The following DPYD variants were observed in gnomAD, a reference collection of about 807,000 sequenced individuals.
DPYD encodes the protein dihydropyrimidine dehydrogenase [NADP(+)].
A neutral mutation model predicts 116.2 loss-of-function variants in DPYD; 109 were observed. The ratio of observed to expected loss-of-function variants is 0.94; its 90% CI spans 0.80 to 1.10. The LOEUF is 1.10. Ranked by LOEUF, DPYD falls within the 50% of genes least tolerant of loss-of-function variation. The pLI, the probability that DPYD is intolerant of heterozygous loss-of-function variation, is 0.00. For synonymous variants in DPYD, 440 were observed against 432.0 expected (o/e 1.02, Z -0.23); for missense variants, 1,302 against 1,254.5 (o/e 1.04, Z -0.57).
chr1:97,672,483 C>G (rs1263895746), intron 8 of DPYD, among the ~76,000 whole-genome samples: 3 of 152,032 alleles, frequency 2.0e-5, no homozygotes, highest in Admixed American at 6.6e-5. Flanking sequence ...TTACAAGTGA[C>G]AGTAGATTAA....
At chr1:97,233,724 G>C (rs4412640) in intron 19 of DPYD, among the ~76,000 whole-genome samples, 74,046 of 151,800 alleles carry the variant, frequency 0.49, 18,655 homozygotes, top group East Asian at 0.71. Flanking sequence ...GAAAAAAATC[G>C]CAGGAAACTC....
chr1:97,349,492 G>A (rs148648822), intron 16 of DPYD, among the ~76,000 whole-genome samples: 3 of 151,762 alleles, frequency 2.0e-5, no homozygotes, highest in African/African-American at 4.8e-5. Flanking sequence ...GCTATCCCTC[G>A]CCCCTGCCCC....
At chr1:97,719,392 T>C (rs1000288674) in intron 5 of DPYD, among the ~76,000 whole-genome samples, 2 of 151,946 alleles carry the variant, frequency 1.3e-5, no homozygotes, top group Non-Finnish European at 2.9e-5. Flanking sequence ...TACCATACTA[T>C]TGTAATCTGC....
chr1:97,478,489 T>C (rs1485920542), intron 13 of DPYD, among the ~76,000 whole-genome samples: 4 of 152,142 alleles, frequency 2.6e-5, no homozygotes, highest in Non-Finnish European at 1.5e-5. Flanking sequence ...GTTTTCACCA[T>C]GTTGGCCAGG....
At chr1:97,518,019 T>G (rs922292115) in intron 12 of DPYD, among the ~76,000 whole-genome samples, 1 of 152,202 alleles carries the variant, frequency 6.6e-6, no homozygotes, top group Non-Finnish European at 1.5e-5. Flanking sequence ...CAACTTGCAT[T>G]GCTTAATTTA....
chr1:97,598,560 G>GAATT (rs1655033048), intron 8 of DPYD, among the ~76,000 whole-genome samples: 1 of 140,078 alleles, frequency 7.1e-6, no homozygotes, highest in Non-Finnish European at 1.6e-5. Flanking sequence ...ACCTCCTTAA[G>GAATT]AATTATTTTT....
At chr1:97,671,631 T>C (rs1049223214) in intron 8 of DPYD, among the ~76,000 whole-genome samples, 7 of 152,108 alleles carry the variant, frequency 4.6e-5, no homozygotes, top group Non-Finnish European at 1.0e-4. Context: ...CATTGTTTCT[T>C]TTTTTTCTTT....
chr1:97,288,113 A>T (rs1222715621), intron 18 of DPYD, among the ~76,000 whole-genome samples: 1 of 151,738 alleles, frequency 6.6e-6, no homozygotes, highest in African/African-American at 2.4e-5. Context: ...TGGTAAAGGG[A>T]TCAATTCAAC....
intron 16 of DPYD, among the ~76,000 whole-genome samples, chr1:97,333,972 G>A (rs185786796): frequency 2.0e-5 from 3 of 152,284 alleles, no homozygotes; most frequent in African/African-American, 7.2e-5. Flanking sequence ...TTTAGCCAGT[G>A]CTCAATTCAG....
At chr1:97,229,745 A>AT (rs1047105014) in intron 19 of DPYD, among the ~76,000 whole-genome samples, 7 of 151,740 alleles carry the variant, frequency 4.6e-5, no homozygotes, top group Admixed American at 1.3e-4. Flanking sequence ...TCTCCTAGGT[A>AT]TTTTTTAGCT....
chr1:97,329,396 C>T (rs1411949389), intron 16 of DPYD, among the ~76,000 whole-genome samples: 3 of 151,884 alleles, frequency 2.0e-5, no homozygotes, highest in Non-Finnish European at 4.4e-5. Flanking sequence ...AGTATTTAAT[C>T]CTGTATTAAA....
intron 19 of DPYD, among the ~76,000 whole-genome samples, chr1:97,224,497 AT>A (rs1001377416): frequency 6.6e-6 from 1 of 151,576 alleles, no homozygotes; most frequent in African/African-American, 2.4e-5. Flanking sequence ...ACACAGCAAC[AT>A]TTTTTTTCTG....
chr1:97,888,782 C>G (rs1407918681), intron 1 of DPYD, among the ~76,000 whole-genome samples: 1 of 151,932 alleles, frequency 6.6e-6, no homozygotes, highest in African/African-American at 2.4e-5. Flanking sequence ...CCCAACAAAA[C>G]TATCTTTCAA....
At chr1:97,390,849 T>C (rs985428499) in intron 14 of DPYD, among the ~76,000 whole-genome samples, 1 of 151,926 alleles carries the variant, frequency 6.6e-6, no homozygotes, top group African/African-American at 2.4e-5. Flanking sequence ...CACTCCATAA[T>C]ATATTTTTAT....
At chr1:97,289,853 G>C (rs1162692657) in intron 18 of DPYD, among the ~76,000 whole-genome samples, 1 of 150,482 alleles carries the variant, frequency 6.6e-6, no homozygotes, top group African/African-American at 2.4e-5. Context: ...TTAGGCAGGA[G>C]AATGAAATAA....
intron 14 of DPYD, among the ~76,000 whole-genome samples, chr1:97,400,014 C>T (rs1391829434): frequency 6.6e-6 from 1 of 152,138 alleles, no homozygotes; most frequent in Admixed American, 6.5e-5. Context: ...AGAGGGCATC[C>T]CTGTCTTGTG....
At chr1:97,289,125 A>G (rs1283866053) in intron 18 of DPYD, among the ~76,000 whole-genome samples, 5 of 152,228 alleles carry the variant, frequency 3.3e-5, no homozygotes, top group Non-Finnish European at 7.3e-5. Context: ...CACCCTCCCA[A>G]GACTAAACCA....
At chr1:97,236,495 A>C (rs1279093660) in intron 18 of DPYD, among the ~76,000 whole-genome samples, 1 of 152,234 alleles carries the variant, frequency 6.6e-6, no homozygotes, top group Non-Finnish European at 1.5e-5. Flanking sequence ...TTCCAACTAT[A>C]TGACATTCTG....
At chr1:97,589,453 C>T (rs537159277) in intron 10 of DPYD, among the ~76,000 whole-genome samples, 1 of 152,304 alleles carries the variant, frequency 6.6e-6, no homozygotes, top group East Asian at 1.9e-4. Flanking sequence ...AGCACTTCTC[C>T]TTCCTGCCAC....
Sources: gnomAD v4.1 joint callset for allele counts (sites outside exome capture counted in the v4.1 genomes callset) on GRCh38, gnomAD v4.1.1 for gene constraint, MANE v1.5 for transcripts, NCBI Gene and HGNC (gene_info 2026-07-23, HGNC 2026-07-21) for gene names.